ZEB1: variants seen among roughly 807,000 people sequenced by gnomAD.
ZEB1 encodes zinc finger E-box binding homeobox 1, also known as zinc finger E-box-binding homeobox 1.
A neutral mutation model predicts 84.9 loss-of-function variants in ZEB1; 21 were observed. That is an observed-to-expected ratio of 0.25 (90% CI 0.18 to 0.36). ZEB1 has a LOEUF of 0.36. ZEB1 is among the 10% of genes least tolerant of loss of function. The pLI is 1.00. For synonymous variants in ZEB1, 420 were observed against 471.1 expected (o/e 0.89, Z 1.41); for missense variants, 1,104 against 1,330.2 (o/e 0.83, Z 2.65).
chr10:31,496,540 T>C (rs1287261878), intron 3 of ZEB1, among the ~76,000 whole-genome samples: 2 of 152,064 alleles, frequency 1.3e-5, no homozygotes, highest in Admixed American at 6.6e-5. Context: ...CCAGTCACTT[T>C]TTATTGTGTT....
At chr10:31,487,602 T>G (rs1209570177) in intron 2 of ZEB1, among the ~76,000 whole-genome samples, 1 of 151,368 alleles carries the variant, frequency 6.6e-6, no homozygotes, top group Non-Finnish European at 1.5e-5. Context: ...AATAGGGACA[T>G]TTTTATTTCT....
At chr10:31,336,032 G>A (rs558896181) in intron 1 of ZEB1, among the ~76,000 whole-genome samples, 1 of 152,210 alleles carries the variant, frequency 6.6e-6, no homozygotes, top group Admixed American at 6.5e-5. Flanking sequence ...TATCTTTATG[G>A]AGAAATTATG....
chr10:31,494,966 G>A (rs1409424998), intron 2 of ZEB1, among the ~76,000 whole-genome samples: 6 of 152,028 alleles, frequency 3.9e-5, no homozygotes, highest in South Asian at 2.1e-4. Flanking sequence ...TTAGAATAAC[G>A]AATAAAGTGA....
chr10:31,495,630 TGGG>T, intron 2 of ZEB1, 143 bp from the exon 3 acceptor site: 1 of 722,626 alleles, frequency 1.4e-6, no homozygotes, highest in Non-Finnish European at 2.4e-6. Flanking sequence ...TGTATATATT[TGGG>T]GAGTACATGT....
chr10:31,514,048 C>T (rs2070613112), intron 5 of ZEB1, among the ~76,000 whole-genome samples: 1 of 151,882 alleles, frequency 6.6e-6, no homozygotes, highest in South Asian at 2.1e-4. Flanking sequence ...TAATAATCCA[C>T]ATTTGGCTGA....
At chr10:31,443,186 G>A (rs534395159) in intron 1 of ZEB1, among the ~76,000 whole-genome samples, 17 of 152,266 alleles carry the variant, frequency 1.1e-4, no homozygotes, top group Admixed American at 5.2e-4. Context: ...TTGTGTGTGC[G>A]AATTGCTTGT....
At chr10:31,449,549 T>G (rs2060276170) in intron 1 of ZEB1, among the ~76,000 whole-genome samples, 1 of 152,206 alleles carries the variant, frequency 6.6e-6, no homozygotes, top group Admixed American at 6.5e-5. Context: ...GGATCTGATT[T>G]TTTTCCAAAT....
chr10:31,478,357 T>A (rs1344194903), intron 2 of ZEB1, among the ~76,000 whole-genome samples: 5 of 151,950 alleles, frequency 3.3e-5, no homozygotes, highest in African/African-American at 7.2e-5. Context: ...AAACAACAGA[T>A]GTTGGCATGG....
At position 31,327,607 on chromosome 10, in the gene ZEB1, C is replaced by T. The variant is rs116620077; in HGVS notation, c.58+8315C>T. 5.6e-3 allele frequency among the ~76,000 whole-genome samples: 854 copies of T among 152,244 alleles called. 13 individuals carry two copies. Among genetic ancestry groups the T allele is most frequent in the African/African-American group, 0.02 (818 of 41,550 alleles). On this transcript the variant is annotated intron_variant, in intron 1 of 8. Coordinates refer to ENST00000424869, the MANE Select transcript of ZEB1 (RefSeq NM_001174096.2). ...TAATTCTGTAATAAACATCCTCCTA[C>T]GTGTTGCTAATGGCTGTGGAAGAGT...
At position 31,514,638 on chromosome 10, in the gene ZEB1, C is replaced by T; in HGVS notation, c.723C>T (p.Phe241=). 6.2e-7 allele frequency: 1 copy of T among 1,612,774 alleles called. No individual in the cohort carries two copies. Among genetic ancestry groups the T allele is most frequent in the Non-Finnish European group, 8.5e-7 (1 of 1,179,078 alleles). Residue 241 remains phenylalanine, a synonymous_variant, in exon 6 of 9, where the codon TTC becomes TTT. Coordinates refer to ENST00000424869, the MANE Select transcript of ZEB1 (RefSeq NM_001174096.2). ...HVTQSGCNRK[F]KCTECGKAFK... Reference sequence around the variant, plus strand: ...CGCAGTCTGGGTGTAATCGTAAATTCAAATGCACTGAGTGTGGAAAAGCTT... The same window carrying T: ...CGCAGTCTGGGTGTAATCGTAAATTTAAATGCACTGAGTGTGGAAAAGCTT...
rs77497535 is a variant in ZEB1 at position 31,523,044 on chromosome 10, C to G, written c.2605-889C>G. On this transcript the variant is annotated intron_variant, in intron 7 of 8. Transcript: ENST00000424869. ...AAAGTAGAATCAAGTTACTTCAGCACCAGGGCCACTCACAAATGACAGGGA... is the reference window on the plus strand; with the variant it reads ...AAAGTAGAATCAAGTTACTTCAGCAGCAGGGCCACTCACAAATGACAGGGA... 6.3e-4 allele frequency among the ~76,000 whole-genome samples: 96 copies of G among 152,310 alleles called. No homozygotes were observed. The Middle Eastern group carries it at 0.01, about 16-fold the overall frequency.
chr10:31,408,076 C>T (rs1295593974), intron 1 of ZEB1, among the ~76,000 whole-genome samples: 5 of 151,912 alleles, frequency 3.3e-5, no homozygotes, highest in Non-Finnish European at 7.4e-5. Context: ...GTACAAAAAT[C>T]ACAAGCATTC....
intron 1 of ZEB1, among the ~76,000 whole-genome samples, chr10:31,353,276 T>A (rs1385402459): frequency 6.6e-6 from 1 of 152,246 alleles, no homozygotes; most frequent in Non-Finnish European, 1.5e-5. Flanking sequence ...AGGTATGTTT[T>A]AAAGATAAAT....
intron 1 of ZEB1, among the ~76,000 whole-genome samples, chr10:31,365,047 G>T (rs1163026209): frequency 6.6e-6 from 1 of 152,112 alleles, no homozygotes; most frequent in Admixed American, 6.5e-5. Context: ...GTTCTTTCTC[G>T]TCTGATGGGA....
chr10:31,489,979 T>A (rs943900806), intron 2 of ZEB1, among the ~76,000 whole-genome samples: 5 of 151,562 alleles, frequency 3.3e-5, no homozygotes, highest in Non-Finnish European at 5.9e-5. Context: ...AATTTAGAAT[T>A]TTGAGCTGAC....
At chr10:31,336,589 G>A (rs1328589486) in intron 1 of ZEB1, among the ~76,000 whole-genome samples, 4 of 152,096 alleles carry the variant, frequency 2.6e-5, no homozygotes, top group Non-Finnish European at 4.4e-5. Flanking sequence ...AGATACTGTA[G>A]AGTGCCTAAT....
intron 1 of ZEB1, among the ~76,000 whole-genome samples, chr10:31,444,784 G>C (rs2059543074): frequency 6.6e-6 from 1 of 151,378 alleles, no homozygotes; most frequent in African/African-American, 2.4e-5. Flanking sequence ...TCTCTGTTTT[G>C]GTACCAGTAC....
chr10:31,331,780 G>A (rs1325731913), intron 1 of ZEB1, among the ~76,000 whole-genome samples: 1 of 152,112 alleles, frequency 6.6e-6, no homozygotes, highest in Non-Finnish European at 1.5e-5. Flanking sequence ...CACACATATT[G>A]TGGGACTCAA....
chr10:31,461,046 A>T lies in ZEB1; in HGVS notation c.68A>T (p.Tyr23Phe), dbSNP rs1335257508. ...CTTGTTTGTATTACAGTTACAAATTATAATACTGTGGTAGAAACAAATTCA... is the reference window on the plus strand; with the variant it reads ...CTTGTTTGTATTACAGTTACAAATTTTAATACTGTGGTAGAAACAAATTCA... ...ANPRRNNVTN[Y>F]NTVVETNSDS... The change falls in exon 2 of 9, where the codon TAT becomes TTT. Residue 23 changes from tyrosine to phenylalanine, a missense_variant. By Grantham distance (22) the Tyr-to-Phe change is conservative. Coordinates refer to ENST00000424869, the MANE Select transcript of ZEB1 (RefSeq NM_001174096.2). The T allele has an allele frequency of 7.4e-6, 12 of 1,611,956 alleles. No homozygotes were observed. The highest frequency in any genetic ancestry group is 7.6e-6 in the Non-Finnish European group (9 of 1,178,522).
Sources: allele counts gnomAD v4.1 joint callset (sites outside exome capture counted in the v4.1 genomes callset), GRCh38; gene constraint gnomAD v4.1.1; transcripts MANE v1.5; gene names NCBI Gene and HGNC (gene_info 2026-07-23, HGNC 2026-07-21).